CSMD1: variants seen among roughly 807,000 people sequenced by gnomAD.
CSMD1 encodes the protein CUB and sushi domain-containing protein 1.
CSMD1 carries 213 observed loss-of-function variants against 417.5 expected under a neutral mutation model. The ratio of observed to expected loss-of-function variants is 0.51; its 90% CI spans 0.46 to 0.57. The LOEUF (loss-of-function observed/expected upper bound fraction) is 0.57. Among genes scored for constraint, CSMD1 ranks in the 20% least tolerant of loss-of-function variants. The probability of loss-of-function intolerance (pLI) is 0.00; values close to 1 mark genes in which losing one functional copy is unlikely to be tolerated. For missense variants in CSMD1, 6,923 were observed against 4,529.7 expected, an observed-to-expected ratio of 1.53 and a Z score of -15.17; for synonymous variants, 2,862 against 1,736.8, an observed-to-expected ratio of 1.65 and a Z score of -16.11.
chr8:2,987,942 A>T (rs1388030436), intron 54 of CSMD1, among the ~76,000 whole-genome samples: 5 of 152,178 alleles, frequency 3.3e-5, no homozygotes, highest in African/African-American at 1.2e-4. Flanking sequence ...GGTTTGTTCC[A>T]TAGGTAAATG....
intron 2 of CSMD1, among the ~76,000 whole-genome samples, chr8:4,509,907 G>T (rs1192327257): frequency 6.6e-6 from 1 of 152,024 alleles, no homozygotes; most frequent in Non-Finnish European, 1.5e-5. Context: ...GTGTTTATGT[G>T]GTTTACCTGA....
intron 3 of CSMD1, among the ~76,000 whole-genome samples, chr8:4,183,274 T>TA (rs1286664388): frequency 1.3e-5 from 2 of 152,248 alleles, no homozygotes; most frequent in African/African-American, 4.8e-5. Context: ...TTTAATTCTG[T>TA]AAAAAAATAT....
intron 11 of CSMD1, among the ~76,000 whole-genome samples, chr8:3,483,795 G>C (rs1335524983): frequency 1.3e-5 from 2 of 152,092 alleles, no homozygotes; most frequent in Admixed American, 1.3e-4. Flanking sequence ...ACTCAATCAT[G>C]AAGTAGAATT....
Position 4,059,072 on chromosome 8 carries a change from C to G in CSMD1, c.416-26973G>C, listed in dbSNP as rs536506155. 9.1e-4 allele frequency among the ~76,000 whole-genome samples: 138 copies of G among 152,190 alleles called. 1 individual carries two copies. The highest frequency in any genetic ancestry group is 1.7e-3 in the Non-Finnish European group (113 of 67,998). On this transcript the variant is annotated intron_variant, in intron 3 of 69. Coordinates refer to ENST00000635120, the MANE Select transcript of CSMD1 (RefSeq NM_033225.6). The stretch of plus-strand genomic sequence containing the variant: ...GCTCTCCTCAGCAAATGTAAAAGAA[C>G]AGAAATTATAACAAACTGTCTCTCA...
At position 3,406,013 on chromosome 8, in the gene CSMD1, G is replaced by A. The variant is rs749669758; in HGVS notation, c.2266+14C>T. ...ATTTCAAAGGAGAAGAGCGGGGGGT[G>A]GCAGGGACTGCACCTTCACAGCGGG... is the stretch of plus-strand genomic sequence containing the variant. On this transcript the variant is annotated intron_variant, in intron 15 of 69. Transcript: ENST00000635120. 33 of 1,610,884 alleles carry A rather than the reference G, an allele frequency of 2.0e-5. 2 individuals are homozygous for A. In the Middle Eastern group the frequency reaches 5.1e-4, roughly 25 times the overall value.
chr8:3,350,683 T>C (rs1808360733), intron 21 of CSMD1, among the ~76,000 whole-genome samples: 1 of 152,212 alleles, frequency 6.6e-6, no homozygotes, highest in Non-Finnish European at 1.5e-5. Flanking sequence ...CTGATATTTG[T>C]TATTACATTA....
chr8:3,843,225 A>G lies in CSMD1; in HGVS notation c.819-89183T>C, dbSNP rs1027143559. On this transcript the variant is annotated intron_variant, in intron 5 of 69. Transcript: ENST00000635120. ...AACCTTGCTTTCCCATTTTTTTGTA[A>G]TTAACACAAAATCATCTGCTGATAA... 7.2e-5 allele frequency among the ~76,000 whole-genome samples: 11 copies of G among 152,142 alleles called. No homozygotes were observed. The South Asian group carries it at 1.0e-3, about 14-fold the overall frequency.
At chr8:4,203,232 CA>C (rs1311427627) in intron 3 of CSMD1, among the ~76,000 whole-genome samples, 1 of 152,152 alleles carries the variant, frequency 6.6e-6, no homozygotes, top group African/African-American at 2.4e-5. Flanking sequence ...AAGAAGGCCA[CA>C]AGCTCAGGAA....
rs973452843 is a variant in CSMD1, at chr8:4,411,998, G to C, written c.415+7955C>G. Among the ~76,000 whole-genome samples, 3 of 143,322 alleles carry C rather than the reference G, an allele frequency of 2.1e-5. No homozygotes were observed. In the South Asian group the frequency reaches 6.3e-4, roughly 30 times the overall value. 94.0% of individuals were successfully genotyped at this position (143,322 alleles called of 152,430 possible). A position where few individuals can be genotyped will look rare whatever the true frequency, so the allele number is the denominator to read the frequency against. ...CAGCAACATAGCTAAGGGTGTGTGT[G>C]TGTGTGTGTGTGTGTGTGTAGCCAG... On this transcript the variant is annotated intron_variant, in intron 3 of 69. Transcript: ENST00000635120.
At chr8:4,185,280 G>A (rs549550603) in intron 3 of CSMD1, among the ~76,000 whole-genome samples, 1 of 152,008 alleles carries the variant, frequency 6.6e-6, no homozygotes, top group African/African-American at 2.4e-5. Context: ...ATGATCTTGG[G>A]CAAATTGTTT....
intron 1 of CSMD1, among the ~76,000 whole-genome samples, chr8:4,690,709 C>T (rs1383240762): frequency 6.6e-6 from 1 of 152,108 alleles, no homozygotes; most frequent in Non-Finnish European, 1.5e-5. Context: ...GCAGTTGTTT[C>T]ACAGGGATCT....
At chr8:4,102,474 A>T (rs570647624) in intron 3 of CSMD1, among the ~76,000 whole-genome samples, 1 of 152,294 alleles carries the variant, frequency 6.6e-6, no homozygotes, top group Admixed American at 6.5e-5. Context: ...GCAGATATCA[A>T]ATCTGTCACT....
intron 8 of CSMD1, among the ~76,000 whole-genome samples, chr8:3,615,839 G>T (rs990050030): frequency 1.3e-5 from 2 of 151,898 alleles, no homozygotes; most frequent in Admixed American, 1.3e-4. Flanking sequence ...TTTTACAGCT[G>T]CTTCTAATAA....
intron 5 of CSMD1, among the ~76,000 whole-genome samples, chr8:3,768,954 GT>G (rs751379810): frequency 1.3e-5 from 2 of 152,240 alleles, no homozygotes; most frequent in Non-Finnish European, 2.9e-5. Flanking sequence ...CCGATGGAAG[GT>G]GAATGGAACA....
chr8:4,303,390 CA>C (rs1480507386), intron 3 of CSMD1, among the ~76,000 whole-genome samples: 3 of 137,384 alleles, frequency 2.2e-5, no homozygotes, highest in Non-Finnish European at 4.7e-5. Context: ...ATTTTTTATT[CA>C]TTGTCTCATT....
chr8:4,611,739 C>T (rs1289338321), intron 2 of CSMD1, among the ~76,000 whole-genome samples: 1 of 152,092 alleles, frequency 6.6e-6, no homozygotes, highest in Non-Finnish European at 1.5e-5. Context: ...TATATATTCT[C>T]ATTTGTGAGT....
chr8:3,969,233 G>C lies in CSMD1; in HGVS notation c.818+28670C>G, dbSNP rs191665459. ...ACACTGCACTCCAGCCTGGGTGACAGAGTGAGACTCTGTCTCGATAAATAA... is the reference window on the plus strand; with the variant it reads ...ACACTGCACTCCAGCCTGGGTGACACAGTGAGACTCTGTCTCGATAAATAA... On this transcript the variant is annotated intron_variant, in intron 5 of 69. Coordinates refer to ENST00000635120, the MANE Select transcript of CSMD1 (RefSeq NM_033225.6). Among the ~76,000 whole-genome samples the C allele has an allele frequency of 3.4e-4, 52 of 152,314 alleles. No homozygotes were observed. The East Asian group carries it at 8.9e-3, about 26-fold the overall frequency.
intron 25 of CSMD1, 36 bp from the exon 26 acceptor site, chr8:3,284,382 C>CA: frequency 5.9e-6 from 9 of 1,519,728 alleles, no homozygotes; most frequent in Non-Finnish European, 3.6e-6. Flanking sequence ...ACTTGCCGTG[C>CA]ATCGAGCATG....
chr8:4,006,692 G>C (rs1316731024), intron 4 of CSMD1, among the ~76,000 whole-genome samples: 1 of 152,148 alleles, frequency 6.6e-6, no homozygotes, highest in Non-Finnish European at 1.5e-5. Context: ...CATGCAGATG[G>C]CAATGTCAGA....
Sources: gnomAD v4.1 joint callset for allele counts (sites outside exome capture counted in the v4.1 genomes callset) on GRCh38, gnomAD v4.1.1 for gene constraint, MANE v1.5 for transcripts, NCBI Gene and HGNC (gene_info 2026-07-23, HGNC 2026-07-21) for gene names.